Variants in SUGCT observed in about 807,000 individuals in gnomAD.
SUGCT encodes succinyl-CoA:glutarate-CoA transferase, also known as succinyl-CoA:glutarate CoA-transferase.
SUGCT carries 41 observed loss-of-function variants against 55.0 expected under a neutral mutation model. The observed-to-expected ratio is 0.74, with a 90% CI of 0.58 to 0.97. The LOEUF (loss-of-function observed/expected upper bound fraction) is 0.97, where lower values mean the gene tolerates loss of function less well. Ranked by LOEUF, SUGCT falls within the 50% of genes least tolerant of loss-of-function variation. The pLI is 0.00. For missense variants in SUGCT, 568 were observed against 547.8 expected, an observed-to-expected ratio of 1.04 and a Z score of -0.37; for synonymous variants, 187 against 200.4, an observed-to-expected ratio of 0.93 and a Z score of 0.56.
At chr7:40,403,142 A>T (rs16880229) in intron 9 of SUGCT, among the ~76,000 whole-genome samples, 84,134 of 151,898 alleles carry the variant, frequency 0.55, 23,445 homozygotes, top group South Asian at 0.65. Context: ...TGGGGAGTAG[A>T]TGACTGTAAA....
chr7:40,557,168 A>T (rs1795597931), intron 12 of SUGCT, among the ~76,000 whole-genome samples: 1 of 152,186 alleles, frequency 6.6e-6, no homozygotes, highest in South Asian at 2.1e-4. Flanking sequence ...TAGAATTGAG[A>T]GCCTGGAAAT....
chr7:40,653,670 G>A (rs879807686), intron 12 of SUGCT, among the ~76,000 whole-genome samples: 18 of 152,178 alleles, frequency 1.2e-4, no homozygotes, highest in Non-Finnish European at 2.4e-4. Context: ...GTCAGCTGCA[G>A]GAGGTCCTAA....
In SUGCT at chr7:40,460,128, TTTG is replaced by T. The variant is rs1489126969; in HGVS notation, c.986+935_986+937del. Among the ~76,000 whole-genome samples, 9 of 152,358 alleles carry T rather than the reference TTTG, an allele frequency of 5.9e-5. No individual in the cohort carries two copies. In the East Asian group the frequency reaches 1.7e-3, roughly 29 times the overall value. ...GAACTAAAATTCCGCTGTTTTTATT[TTTG>T]TTGTCTTTGTATTTGGGGATGTCTG... On this transcript the variant is annotated intron_variant, in intron 11 of 13. Coordinates refer to ENST00000335693, the MANE Select transcript of SUGCT (RefSeq NM_001193313.2).
chr7:40,498,294 A>G (rs919669622), intron 12 of SUGCT, among the ~76,000 whole-genome samples: 1 of 152,204 alleles, frequency 6.6e-6, no homozygotes, highest in Non-Finnish European at 1.5e-5. Context: ...TATTCAACAA[A>G]CTTATGATAT....
intron 8 of SUGCT, among the ~76,000 whole-genome samples, chr7:40,291,049 T>C (rs1400019718): frequency 2.0e-5 from 3 of 152,146 alleles, no homozygotes; most frequent in Admixed American, 2.0e-4. Flanking sequence ...ACTTTTACAC[T>C]GTTGGTGGGA....
intron 11 of SUGCT, among the ~76,000 whole-genome samples, chr7:40,470,495 C>A (rs551391608): frequency 1.3e-5 from 2 of 152,204 alleles, no homozygotes; most frequent in African/African-American, 2.4e-5. Context: ...TTCTGGCCAT[C>A]CTCACCTGGA....
In SUGCT at chr7:40,752,519, C is replaced by T. The variant is rs1002293085; in HGVS notation, c.1153+3022C>T. Among the ~76,000 whole-genome samples the T allele has an allele frequency of 3.7e-4, 56 of 152,144 alleles. 1 individual carries two copies. Among genetic ancestry groups the T allele is most frequent in the Admixed American group, 4.6e-4 (7 of 15,274 alleles). On this transcript the variant is annotated intron_variant, in intron 13 of 13. Transcript: ENST00000335693. ...TACAGGGACGTACCACCACACCCAACTAATTTCTGTATATTTAGTAGAGAC... is the reference window on the plus strand; with the variant it reads ...TACAGGGACGTACCACCACACCCAATTAATTTCTGTATATTTAGTAGAGAC...
chr7:40,788,813 C>T (rs1790167004), intron 13 of SUGCT, among the ~76,000 whole-genome samples: 1 of 152,228 alleles, frequency 6.6e-6, no homozygotes, highest in Non-Finnish European at 1.5e-5. Context: ...CAGTCCAGGG[C>T]TAGGCACATA....
the SUGCT span, among the ~76,000 whole-genome samples, chr7:40,958,827 T>C: frequency 1.3e-5 from 2 of 152,212 alleles, no homozygotes; most frequent in African/African-American, 4.8e-5. Context: ...TTGATGTTGG[T>C]GACCTTTGGA....
At chr7:40,384,307 A>T (rs1172159600) in intron 9 of SUGCT, among the ~76,000 whole-genome samples, 2 of 152,224 alleles carry the variant, frequency 1.3e-5, no homozygotes, top group Non-Finnish European at 2.9e-5. Flanking sequence ...AGTAAGTATG[A>T]TGCTCAAAAC....
At chr7:40,898,478 GTC>G in the SUGCT span, among the ~76,000 whole-genome samples, 6 of 110,622 alleles carry the variant, frequency 5.4e-5, no homozygotes, top group African/African-American at 1.9e-4. Context: ...ACTCCGGGAG[GTC>G]GGGGGGGGGG....
chr7:40,175,907 T>G (rs907610746), intron 1 of SUGCT, among the ~76,000 whole-genome samples: 1 of 151,918 alleles, frequency 6.6e-6, no homozygotes, highest in African/African-American at 2.4e-5. Flanking sequence ...AAGCTCCACA[T>G]GTATTGATTT....
chr7:40,496,270 G>A lies in SUGCT; in HGVS notation c.987-14G>A. Reference sequence around the variant, plus strand: ...CTTCCTGTGTAAAAAATTTATCCTTGTTTGTCTTCTTAGGTTTGAAGAAGA... The same window carrying A: ...CTTCCTGTGTAAAAAATTTATCCTTATTTGTCTTCTTAGGTTTGAAGAAGA... On this transcript the variant is annotated splice_polypyrimidine_tract_variant and intron_variant, in intron 11 of 13. Coordinates refer to ENST00000335693, the MANE Select transcript of SUGCT (RefSeq NM_001193313.2). 2 of 1,590,226 alleles carry A rather than the reference G, an allele frequency of 1.3e-6. No homozygotes were observed. The highest frequency in any genetic ancestry group is 1.7e-6 in the Non-Finnish European group (2 of 1,161,976).
chr7:40,500,830 AGTT>A (rs1473302314), intron 12 of SUGCT, among the ~76,000 whole-genome samples: 3 of 151,952 alleles, frequency 2.0e-5, no homozygotes, highest in Non-Finnish European at 4.4e-5. Flanking sequence ...CCCAAAATAC[AGTT>A]ATTTTTCAAG....
At chr7:40,757,704 G>A (rs1276655502) in intron 13 of SUGCT, among the ~76,000 whole-genome samples, 1 of 152,090 alleles carries the variant, frequency 6.6e-6, no homozygotes, top group Non-Finnish European at 1.5e-5. Context: ...TAAATAATCC[G>A]AGTGGACCAT....
intron 13 of SUGCT, among the ~76,000 whole-genome samples, chr7:40,830,099 A>G (rs1462812539): frequency 6.6e-6 from 1 of 152,046 alleles, no homozygotes; most frequent in Non-Finnish European, 1.5e-5. Flanking sequence ...CCACACACAC[A>G]TTGAGTCAGA....
intron 12 of SUGCT, among the ~76,000 whole-genome samples, chr7:40,612,824 T>G (rs910515921): frequency 2.0e-5 from 3 of 152,240 alleles, no homozygotes; most frequent in African/African-American, 7.2e-5. Flanking sequence ...TTTTGAATTT[T>G]AAAGTCACTG....
At chr7:40,676,718 G>A (rs1366953872) in intron 12 of SUGCT, among the ~76,000 whole-genome samples, 1 of 152,012 alleles carries the variant, frequency 6.6e-6, no homozygotes, top group Non-Finnish European at 1.5e-5. Context: ...GGCCAGAGTG[G>A]TCTCGAACTC....
At chr7:40,671,126 T>C (rs1040803735) in intron 12 of SUGCT, among the ~76,000 whole-genome samples, 1 of 152,224 alleles carries the variant, frequency 6.6e-6, no homozygotes, top group African/African-American at 2.4e-5. Flanking sequence ...CAGATTTTGA[T>C]AGGAATTGTG....
Sources: allele counts gnomAD v4.1 joint callset (sites outside exome capture counted in the v4.1 genomes callset), GRCh38; gene constraint gnomAD v4.1.1; transcripts MANE v1.5; gene names NCBI Gene and HGNC (gene_info 2026-07-23, HGNC 2026-07-21).